The following ZNF326 variants were observed in gnomAD, a reference collection of about 807,000 sequenced individuals.
ZNF326 encodes DBIRD complex subunit ZNF326.
In ZNF326, 30 loss-of-function variants were observed where a neutral mutation model predicts 63.1. The ratio of observed to expected loss-of-function variants is 0.48; its 90% confidence interval spans 0.36 to 0.64. The LOEUF is 0.64. Among genes scored for constraint, ZNF326 ranks in the 30% least tolerant of loss-of-function variants. The pLI is 0.00. For missense variants in ZNF326, 609 were observed against 720.3 expected, an observed-to-expected ratio of 0.85 and a Z score of 1.77; for synonymous variants, 194 against 228.2, an observed-to-expected ratio of 0.85 and a Z score of 1.35.
In ZNF326 at chr1:90,005,150, G is replaced by A. The variant is rs774229543; in HGVS notation, c.115G>A (p.Gly39Ser). 1 of 1,613,932 alleles carries A rather than the reference G, an allele frequency of 6.2e-7. No individual in the cohort carries two copies. Among genetic ancestry groups the A allele is most frequent in the Non-Finnish European group, 8.5e-7 (1 of 1,179,944 alleles). Reference sequence around the variant, plus strand: ...TCTTATAGGGATGGATCGTGACTATGGCCATGGATCCTATGGGGGTCAGAG... The same window carrying A: ...TCTTATAGGGATGGATCGTGACTATAGCCATGGATCCTATGGGGGTCAGAG... Reference protein sequence around the residue: ...GSYGGMDRDYGHGSYGGQRSM... With the variant: ...GSYGGMDRDYSHGSYGGQRSM... Residue 39 changes from glycine (G) to serine (S), a missense_variant, in exon 4 of 12, where the codon GGC becomes AGC. By Grantham distance (56) the Gly-to-Ser change is moderately conservative. Transcript: ENST00000340281.
At chr1:90,017,286 A>T (rs1441425230) in intron 7 of ZNF326, 31 bp from the exon 8 acceptor site, 5 of 1,492,152 alleles carry the variant, frequency 3.4e-6, no homozygotes, top group Non-Finnish European at 4.5e-6. Flanking sequence ...ATAAAGTAAT[A>T]TTTAAAGGAA....
rs1650172494 is a variant in ZNF326 at position 90,029,569 on chromosome 1, C to T, written c.*1868C>T. Reference sequence around the variant, plus strand: ...GGCTAAGGTAAAAGAATAATAAATTCCTCTAGGTTATTAGTATTTGGTTCT... The same window carrying T: ...GGCTAAGGTAAAAGAATAATAAATTTCTCTAGGTTATTAGTATTTGGTTCT... On this transcript the variant is annotated 3_prime_UTR_variant, in exon 12 of 12. Coordinates refer to ENST00000340281, the MANE Select transcript of ZNF326 (RefSeq NM_182976.4). 1 of 151,902 alleles carries T rather than the reference C, an allele frequency of 6.6e-6. No individual in the cohort carries two copies. Among genetic ancestry groups the T allele is most frequent in the Non-Finnish European group, 1.5e-5 (1 of 67,982 alleles). The allele number at this position is 151,902 out of a possible 1,614,324, so 9.4% of individuals were successfully genotyped here. A position where few individuals can be genotyped will look rare whatever the true frequency, so the allele number is the denominator to read the frequency against.
At chr1:90,003,049 T>G (rs1385603130) in intron 2 of ZNF326, among the ~76,000 whole-genome samples, 1 of 152,144 alleles carries the variant, frequency 6.6e-6, no homozygotes, top group East Asian at 1.9e-4. Context: ...AATTCTAATG[T>G]TCACTTGAAA....
At chr1:90,004,677 C>T (rs1273184365) in intron 2 of ZNF326, among the ~76,000 whole-genome samples, 1 of 152,056 alleles carries the variant, frequency 6.6e-6, no homozygotes, top group Non-Finnish European at 1.5e-5. Flanking sequence ...ACGGTGAAAG[C>T]CCATCTCTAT....
chr1:90,034,846 GT>G lies in ZNF326; in HGVS notation c.*7146del, dbSNP rs1650420666. 2 of 152,070 alleles carry G rather than the reference GT, an allele frequency of 1.3e-5. No individual in the cohort carries two copies. The highest frequency in any genetic ancestry group is 4.8e-5 in the African/African-American group (2 of 41,408). 9.4% of individuals were successfully genotyped at this position (152,070 alleles called of 1,614,324 possible). A position where few individuals can be genotyped will look rare whatever the true frequency, so the allele number is the denominator to read the frequency against. ...AGACCAGTCTCACTTACGAACAAAT[GT>G]AATTTGTTGAAACTGGTCATGTTGA... On this transcript the variant is annotated 3_prime_UTR_variant, in exon 12 of 12. Coordinates refer to ENST00000340281, the MANE Select transcript of ZNF326 (RefSeq NM_182976.4).
At chr1:90,020,622 A>G (rs1027657576) in intron 9 of ZNF326, among the ~76,000 whole-genome samples, 170 bp from the exon 10 acceptor site, 4 of 152,080 alleles carry the variant, frequency 2.6e-5, no homozygotes, top group African/African-American at 9.7e-5. Context: ...TAGTAAATCT[A>G]CATATGTAGA....
intron 11 of ZNF326, among the ~76,000 whole-genome samples, chr1:90,025,786 A>G (rs143538538): frequency 6.6e-6 from 1 of 152,332 alleles, no homozygotes; most frequent in East Asian, 1.9e-4. Context: ...GGATAGTACA[A>G]TAAATCCTCA....
In ZNF326 at chr1:90,012,852, A is replaced by G. The variant is rs1649318893; in HGVS notation, c.815-274A>G. On this transcript the variant is annotated intron_variant, in intron 6 of 11. Coordinates refer to ENST00000340281, the MANE Select transcript of ZNF326 (RefSeq NM_182976.4). Reference sequence around the variant, plus strand: ...ATTGCTTAGAATAAGGATAGGACAAATGAGCACATTTAAAGAAAAATATGT... The same window carrying G: ...ATTGCTTAGAATAAGGATAGGACAAGTGAGCACATTTAAAGAAAAATATGT... Among the ~76,000 whole-genome samples, 3 of 152,176 alleles carry G rather than the reference A, an allele frequency of 2.0e-5. 1 individual carries two copies. The South Asian group carries it at 6.2e-4, about 31-fold the overall frequency.
In ZNF326 at chr1:90,017,320, G is replaced by A; in HGVS notation, c.930G>A (p.Met310Ile). ...NSEKYGDGYR[M>I]AFTCSFCKFR... ...AAAACTTTTTTTTCTCTTACAGAAT[G>A]GCATTTACATGTTCATTTTGTAAAT... Residue 310 changes from methionine (M) to isoleucine (I), a missense_variant, in exon 8 of 12, where the codon ATG becomes ATA. This residue lies in a region of ZNF326 where 399 missense variants were observed against 444.3 expected (regional missense o/e 0.90). Coordinates refer to ENST00000340281, the MANE Select transcript of ZNF326 (RefSeq NM_182976.4). The A allele has an allele frequency of 6.3e-7, 1 of 1,582,516 alleles. No homozygotes were observed. Among genetic ancestry groups the A allele is most frequent in the Non-Finnish European group, 8.6e-7 (1 of 1,169,406 alleles).
intron 4 of ZNF326, chr1:90,005,938 A>G (rs1570298774): frequency 1.0e-6 from 1 of 985,428 alleles, no homozygotes; most frequent in East Asian, 1.1e-4. Flanking sequence ...AAACCTACTT[A>G]AACAACTACA....
intron 11 of ZNF326, 140 bp downstream of exon 11, chr1:90,022,485 A>C: frequency 1.6e-6 from 1 of 640,496 alleles, no homozygotes; most frequent in South Asian, 2.4e-5. Flanking sequence ...CATATAGGTA[A>C]AACATCTTTT....
intron 8 of ZNF326, among the ~76,000 whole-genome samples, chr1:90,017,977 G>A (rs961421387): frequency 1.3e-5 from 2 of 152,108 alleles, no homozygotes; most frequent in Non-Finnish European, 2.9e-5. Context: ...GACAGAAGAG[G>A]TGGAATTATT....
chr1:90,013,120 T>G lies in ZNF326; in HGVS notation c.815-6T>G. ...TTAGCTTTTACTTTTTTGTGTAATA[T>G]CCTAGCAAAAACTGATCCTAAAAAT... On this transcript the variant is annotated splice_region_variant and splice_polypyrimidine_tract_variant and intron_variant, in intron 6 of 11. Coordinates refer to ENST00000340281, the MANE Select transcript of ZNF326 (RefSeq NM_182976.4). 6.2e-7 allele frequency: 1 copy of G among 1,602,818 alleles called. No homozygotes were observed. The highest frequency in any genetic ancestry group is 2.2e-5 in the East Asian group (1 of 44,796).
At chr1:90,003,868 T>A (rs1336839000) in intron 2 of ZNF326, among the ~76,000 whole-genome samples, 1 of 152,118 alleles carries the variant, frequency 6.6e-6, no homozygotes, top group African/African-American at 2.4e-5. Context: ...TTTTATAAAG[T>A]TGTTATTGTT....
intron 10 of ZNF326, 41 bp downstream of exon 10, chr1:90,020,963 C>G: frequency 6.3e-7 from 1 of 1,598,620 alleles, no homozygotes; most frequent in South Asian, 1.1e-5. Context: ...CCAGATTATC[C>G]ATCAATCTTT....
chr1:90,021,242 C>T (rs991065154), intron 10 of ZNF326, among the ~76,000 whole-genome samples: 11 of 151,876 alleles, frequency 7.2e-5, no homozygotes, highest in East Asian at 1.9e-4. Context: ...TTAATTAAAA[C>T]GTATAAGGCA....
chr1:89,995,253 C>T lies in ZNF326; in HGVS notation c.-5C>T, dbSNP rs1281884068. 3 of 1,554,776 alleles carry T rather than the reference C, an allele frequency of 1.9e-6. No homozygotes were observed. The highest frequency in any genetic ancestry group is 2.6e-6 in the Non-Finnish European group (3 of 1,152,338). On this transcript the variant is annotated 5_prime_UTR_variant, in exon 1 of 12. Coordinates refer to ENST00000340281, the MANE Select transcript of ZNF326 (RefSeq NM_182976.4). ...CGCCAAGGCCGACGGCCCTCAGCCT[C>T]TGCCATGGACTTCGAGGACGGTAAG...
chr1:89,995,239 AC>A lies in ZNF326; in HGVS notation c.-18del. 1 of 1,548,142 alleles carries A rather than the reference AC, an allele frequency of 6.5e-7. No homozygotes were observed. Reference sequence around the variant, plus strand: ...GCTCAGCCTAGCGCCGCCAAGGCCGACGGCCCTCAGCCTCTGCCATGGACTT... The same window carrying A: ...GCTCAGCCTAGCGCCGCCAAGGCCGAGGCCCTCAGCCTCTGCCATGGACTT... On this transcript the variant is annotated 5_prime_UTR_variant, in exon 1 of 12. Transcript: ENST00000340281.
intron 10 of ZNF326, 38 bp downstream of exon 10, chr1:90,020,960 A>T: frequency 1.2e-6 from 2 of 1,600,940 alleles, no homozygotes; most frequent in Non-Finnish European, 8.5e-7. Flanking sequence ...TTGCCAGATT[A>T]TCCATCAATC....
Sources: allele counts gnomAD v4.1 joint callset (sites outside exome capture counted in the v4.1 genomes callset), GRCh38; gene constraint gnomAD v4.1.1; regional missense constraint gnomAD v4.1.1; transcripts MANE v1.5; gene names NCBI Gene and HGNC (gene_info 2026-07-23, HGNC 2026-07-21).